The following ANXA11 variants were observed in gnomAD, a reference collection of about 807,000 sequenced individuals.
The protein encoded by ANXA11 is 56 kDa autoantigen.
A neutral mutation model predicts 64.7 loss-of-function variants in ANXA11; 57 were observed. That is an observed-to-expected ratio of 0.88 (90% confidence interval 0.71 to 1.10). The LOEUF is 1.10. ANXA11 is among the 50% of genes least tolerant of loss of function. The pLI is 0.00. For missense variants in ANXA11, 675 were observed against 670.7 expected (o/e 1.01, Z -0.07); for synonymous variants, 260 against 265.2 (o/e 0.98, Z 0.19).
In ANXA11 at chr10:80,157,971, A is replaced by G; in HGVS notation, c.1331T>C (p.Met444Thr). ...CTGCACATGGAAGTTACATACCCTC[A>G]TGGCCTTGTTGAGCCTCTCCGCAAA... The part of the protein sequence containing the change: ...AFFAERLNKA[M>T]RGAGTKDRTL... Residue 444 changes from methionine to threonine, a missense_variant, in exon 14 of 16, where the codon ATG becomes ACG. Coordinates refer to ENST00000422982, the MANE Select transcript of ANXA11 (RefSeq NM_145868.2). 6.2e-7 allele frequency: 1 copy of G among 1,614,022 alleles called. No individual in the cohort carries two copies. The highest frequency in any genetic ancestry group is 8.5e-7 in the Non-Finnish European group (1 of 1,179,900).
chr10:80,194,313 G>A (rs1846895738), intron 1 of ANXA11, among the ~76,000 whole-genome samples: 1 of 152,136 alleles, frequency 6.6e-6, no homozygotes, highest in Non-Finnish European at 1.5e-5. Flanking sequence ...ACAAGTCCGG[G>A]GACCTGAAGC....
Position 80,155,522 on chromosome 10 carries a change from C to T in ANXA11, c.*331G>A. 3.2e-6 allele frequency: 1 copy of T among 314,388 alleles called. No homozygotes were observed. The highest frequency in any genetic ancestry group is 5.8e-5 in the South Asian group (1 of 17,300). 19.5% of individuals were successfully genotyped at this position (314,388 alleles called of 1,614,324 possible). On this transcript the variant is annotated 3_prime_UTR_variant, in exon 16 of 16. Coordinates refer to ENST00000422982, the MANE Select transcript of ANXA11 (RefSeq NM_145868.2). ...ACTGTAAGAAAAGAAAATATGCCTC[C>T]AAATAAAAATATACAATTACATGAC...
At chr10:80,168,941 C>T in intron 5 of ANXA11, 28 bp downstream of exon 5, 2 of 1,498,652 alleles carry the variant, frequency 1.3e-6, no homozygotes, top group Non-Finnish European at 1.8e-6. Flanking sequence ...CAGGCCTGGA[C>T]CAAGGGAGGC....
chr10:80,166,995 A>C lies in ANXA11; in HGVS notation c.650-11T>G. 4 of 1,556,700 alleles carry C rather than the reference A, an allele frequency of 2.6e-6. No homozygotes were observed. Among genetic ancestry groups the C allele is most frequent in the South Asian group, 1.2e-5 (1 of 86,832 alleles). ...CCTGCTCATCCGTCCCTGGAGGAAGAGGCAGCAGGGGTGGGTCGGGTAGGG... is the reference window on the plus strand; with the variant it reads ...CCTGCTCATCCGTCCCTGGAGGAAGCGGCAGCAGGGGTGGGTCGGGTAGGG... On this transcript the variant is annotated splice_polypyrimidine_tract_variant and intron_variant, in intron 6 of 15. Transcript: ENST00000422982.
intron 1 of ANXA11, among the ~76,000 whole-genome samples, chr10:80,183,867 C>T (rs906298899): frequency 1.3e-5 from 2 of 152,250 alleles, no homozygotes; most frequent in Non-Finnish European, 2.9e-5. Context: ...CGAGGGAAGG[C>T]AGATAGAGCC....
chr10:80,195,002 T>C lies in ANXA11; in HGVS notation c.-58+10341A>G, dbSNP rs971443919. Among the ~76,000 whole-genome samples the C allele has an allele frequency of 2.6e-5, 4 of 152,192 alleles. No individual in the cohort carries two copies. In the East Asian group the frequency reaches 7.7e-4, roughly 29 times the overall value. On this transcript the variant is annotated intron_variant, in intron 1 of 15. Coordinates refer to ENST00000422982, the MANE Select transcript of ANXA11 (RefSeq NM_145868.2). ...TGTGTTATGAGCCATCTCATCTCCT[T>C]ATGAATGGCCGGCACAGACCCGTCT...
chr10:80,175,113 A>T (rs980370362), intron 2 of ANXA11, among the ~76,000 whole-genome samples: 1 of 152,058 alleles, frequency 6.6e-6, no homozygotes, highest in South Asian at 2.1e-4. Context: ...CGGTGGCATC[A>T]CCTTCAGAGA....
chr10:80,194,286 C>A (rs958405837), intron 1 of ANXA11, among the ~76,000 whole-genome samples: 1 of 152,166 alleles, frequency 6.6e-6, no homozygotes, highest in East Asian at 1.9e-4. Flanking sequence ...CCTCCCACGG[C>A]CCCTCACTAG....
At chr10:80,190,761 A>C (rs1846740076) in intron 1 of ANXA11, among the ~76,000 whole-genome samples, 1 of 145,654 alleles carries the variant, frequency 6.9e-6, no homozygotes, top group African/African-American at 2.5e-5. Flanking sequence ...CTGGGGTTAC[A>C]GGCGTGAGCC....
In ANXA11 at chr10:80,151,669, C is replaced by G. The variant is rs1221979126; in HGVS notation, c.*4184G>C. On this transcript the variant is annotated 3_prime_UTR_variant, in exon 16 of 16. Transcript: ENST00000422982. Reference sequence around the variant, plus strand: ...ACCTGCAAAGGTTCATCTTTCAGCTCCCTCTTCCCAAAGCTAGGAGTGCCT... The same window carrying G: ...ACCTGCAAAGGTTCATCTTTCAGCTGCCTCTTCCCAAAGCTAGGAGTGCCT... The G allele has an allele frequency of 2.0e-5, 3 of 152,216 alleles. No homozygotes were observed. The highest frequency in any genetic ancestry group is 4.4e-5 in the Non-Finnish European group (3 of 68,050). The allele number at this position is 152,216 out of a possible 1,614,324, so 9.4% of individuals were successfully genotyped here.
chr10:80,159,970 G>A (rs117468687), intron 12 of ANXA11, among the ~76,000 whole-genome samples: 4,220 of 152,202 alleles, frequency 0.028, 66 homozygotes, highest in Middle Eastern at 0.095. Flanking sequence ...TGCTCACCTC[G>A]ACCTAGGACA....
intron 13 of ANXA11, 99 bp from the exon 14 acceptor site, chr10:80,158,124 AACCCATCACTGC>A: frequency 9.5e-7 from 1 of 1,054,186 alleles, no homozygotes; most frequent in South Asian, 1.3e-5. Flanking sequence ...CCAGATGTCA[AACCCATCACTGC>A]ATCCATCTTT....
rs1769484217 is a variant in ANXA11, at chr10:80,155,582, G to C, written c.*271C>G. 4.2e-6 allele frequency: 2 copies of C among 475,292 alleles called. No individual in the cohort carries two copies. The highest frequency in any genetic ancestry group is 3.7e-6 in the Non-Finnish European group (1 of 269,002). The allele number at this position is 475,292 out of a possible 1,614,324, so 29.4% of individuals were successfully genotyped here. ...CCAAGTCTTAGCCACAGGCAAAGGG[G>C]AATGATTGCATGAGTCAGAAAAATG... On this transcript the variant is annotated 3_prime_UTR_variant, in exon 16 of 16. Transcript: ENST00000422982.
At position 80,155,798 on chromosome 10, in the gene ANXA11, T is replaced by C. The variant is rs1398717703; in HGVS notation, c.*55A>G. On this transcript the variant is annotated 3_prime_UTR_variant, in exon 16 of 16. Transcript: ENST00000422982. ...TTAGAAACAGACATTCTTTTGGCCTTTTCCTGGCACTGGTGTTGCCGGCAG... is the reference window on the plus strand; with the variant it reads ...TTAGAAACAGACATTCTTTTGGCCTCTTCCTGGCACTGGTGTTGCCGGCAG... The C allele has an allele frequency of 6.5e-7, 1 of 1,537,334 alleles. No individual in the cohort carries two copies. The highest frequency in any genetic ancestry group is 9.0e-7 in the Non-Finnish European group (1 of 1,110,444).
At chr10:80,180,777 C>T (rs1317639494) in intron 1 of ANXA11, among the ~76,000 whole-genome samples, 2 of 152,004 alleles carry the variant, frequency 1.3e-5, no homozygotes, top group Non-Finnish European at 2.9e-5. Flanking sequence ...TTAAATGTAT[C>T]CCCCAAAGTT....
At chr10:80,195,059 AG>A (rs1159314037) in intron 1 of ANXA11, among the ~76,000 whole-genome samples, 1 of 152,140 alleles carries the variant, frequency 6.6e-6, no homozygotes, top group African/African-American at 2.4e-5. Context: ...GAGGCGAAGA[AG>A]ACTGAAGAGT....
chr10:80,171,674 T>TA, intron 3 of ANXA11: 5 of 985,508 alleles, frequency 5.1e-6, no homozygotes, highest in Non-Finnish European at 6.0e-6. Context: ...TCTGGCCTGT[T>TA]AGATGCTTTC....
intron 1 of ANXA11, among the ~76,000 whole-genome samples, chr10:80,183,822 T>C (rs1241266542): frequency 2.0e-5 from 3 of 152,166 alleles, no homozygotes; most frequent in Non-Finnish European, 4.4e-5. Flanking sequence ...AAACCCTCAG[T>C]GCATCAGCTC....
At chr10:80,184,752 A>C (rs1846481113) in intron 1 of ANXA11, among the ~76,000 whole-genome samples, 1 of 152,190 alleles carries the variant, frequency 6.6e-6, no homozygotes, top group East Asian at 1.9e-4. Context: ...CCAGAAAACC[A>C]ACCTCCCCAG....
Sources: allele counts gnomAD v4.1 joint callset (sites outside exome capture counted in the v4.1 genomes callset), GRCh38; gene constraint gnomAD v4.1.1; transcripts MANE v1.5; gene names NCBI Gene and HGNC (gene_info 2026-07-23, HGNC 2026-07-21).